Variants in OGG1 observed in about 807,000 individuals in gnomAD.
OGG1 encodes the protein 8-oxoguanine DNA glycosylase.
Under a neutral mutation model 42.3 loss-of-function variants are expected in OGG1, and 35 were observed. That is an observed-to-expected ratio of 0.83 (90% confidence interval 0.63 to 1.10). The LOEUF (loss-of-function observed/expected upper bound fraction) is 1.10, where lower values mean the gene tolerates loss of function less well. Among genes scored for constraint, OGG1 ranks in the 50% least tolerant of loss-of-function variants. The probability of loss-of-function intolerance (pLI) is 0.00; values close to 1 mark genes in which losing one functional copy is unlikely to be tolerated. For missense variants in OGG1, 484 were observed against 446.7 expected (o/e 1.08, Z -0.75); for synonymous variants, 189 against 179.0 (o/e 1.06, Z -0.44).
At chr3:9,766,614 G>A in exon 8 of OGG1, 5 of 1,033,956 alleles carry the variant, frequency 4.8e-6, no homozygotes, top group Non-Finnish European at 5.9e-6. Flanking sequence ...TTTAGAACAG[G>A]TTCTTAAAAA....
At chr3:9,790,022 C>T (rs2078697972), downstream of OGG1, 3 of 1,515,208 alleles carry the variant, frequency 2.0e-6, no homozygotes, top group South Asian at 2.7e-5. Flanking sequence ...ATATCTCTTT[C>T]CTCTAGTGAA....
At chr3:9,751,348 C>T (rs1014911324) in intron 2 of OGG1, among the ~76,000 whole-genome samples, 156 bp downstream of exon 2, 2 of 152,256 alleles carry the variant, frequency 1.3e-5, no homozygotes, top group East Asian at 3.9e-4. Context: ...AGAATAATGC[C>T]AGGCACATAG....
chr3:9,757,716 G>C (rs771826644), downstream of OGG1: 7 of 1,613,952 alleles, frequency 4.3e-6, no homozygotes, highest in African/African-American at 6.7e-5. The surrounding 1 kb of genome is among the most constrained non-coding windows in gnomAD (Gnocchi z 4.5). Context: ...CTTCTGCAGA[G>C]CCCGCTCCTC....
chr3:9,774,508 A>G (rs775984501), intron 2 of OGG1, among the ~76,000 whole-genome samples: 7 of 152,198 alleles, frequency 4.6e-5, no homozygotes, highest in Non-Finnish European at 8.8e-5. Context: ...ATGGTAGCCA[A>G]AAATGAAAGG....
Position 9,757,391 on chromosome 3 carries a change from A to T in OGG1, c.*241A>T. On this transcript the variant is annotated 3_prime_UTR_variant, in exon 7 of 7. Coordinates refer to ENST00000344629, the MANE Select transcript of OGG1 (RefSeq NM_002542.6). The surrounding 1 kb of genome is among the most constrained non-coding windows in gnomAD (Gnocchi z 4.5). Reference sequence around the variant, plus strand: ...TTACAAGAAGGAACAATAAAATAGAAACATTTGTATGGAAAATGCAGTGAG... The same window carrying T: ...TTACAAGAAGGAACAATAAAATAGATACATTTGTATGGAAAATGCAGTGAG... 1 of 1,612,370 alleles carries T rather than the reference A, an allele frequency of 6.2e-7. No homozygotes were observed. The highest frequency in any genetic ancestry group is 8.5e-7 in the Non-Finnish European group (1 of 1,179,086).
chr3:9,750,666 G>A (rs1031235658), intron 1 of OGG1: 35 of 699,940 alleles, frequency 5.0e-5, no homozygotes, highest in Non-Finnish European at 7.9e-5. Flanking sequence ...TTGAGACAGG[G>A]TCTCGCTCTG....
At chr3:9,768,539 G>A (rs2078219389), downstream of OGG1, among the ~76,000 whole-genome samples, 1 of 152,214 alleles carries the variant, frequency 6.6e-6, no homozygotes, top group Non-Finnish European at 1.5e-5. Context: ...ACTGAGGTTG[G>A]AGTTAGGTAG....
At chr3:9,780,055 G>A in intron 2 of OGG1, 1 of 293,294 alleles carries the variant, frequency 3.4e-6, no homozygotes, top group Non-Finnish European at 6.3e-6. Context: ...GGAGACAGGG[G>A]TAGGGGATTA....
chr3:9,750,213 G>C lies in OGG1; in HGVS notation c.-74G>C. On this transcript the variant is annotated 5_prime_UTR_variant, in exon 1 of 7. Coordinates refer to ENST00000344629, the MANE Select transcript of OGG1 (RefSeq NM_002542.6). ...CTTAAGGGTCGTGGTCCTTGTCTGG[G>C]CGGGGTCTTTGGGCGTCGACGAGGC... The C allele has an allele frequency of 6.5e-7, 1 of 1,549,804 alleles. No homozygotes were observed. The highest frequency in any genetic ancestry group is 8.7e-7 in the Non-Finnish European group (1 of 1,149,842).
At chr3:9,758,094 TAA>T, downstream of OGG1, 1 of 473,028 alleles carries the variant, frequency 2.1e-6, no homozygotes, top group Non-Finnish European at 3.6e-6. Context: ...TAATTCATAT[TAA>T]TATGTAATAG....
At chr3:9,766,197 C>T (rs779147992) in exon 8 of OGG1, 2 of 787,058 alleles carry the variant, frequency 2.5e-6, no homozygotes, top group Non-Finnish European at 4.4e-6. Flanking sequence ...TCATCTTTGC[C>T]ACCACCTGGG....
chr3:9,756,519 C>G lies in OGG1; in HGVS notation c.796C>G (p.Pro266Ala). Residue 266 changes from proline to alanine, a missense_variant, in exon 5 of 7, where the codon CCC becomes GCC. Pro to Ala is a conservative substitution (Grantham distance 27). Transcript: ENST00000344629. ...GGCCCTAGACAAGCCCCAGGCTGTG[C>G]CCGTGGATGTCCATATGTGGCACAT... Reference protein sequence around the residue: ...LMALDKPQAVPVDVHMWHIAQ... With the variant: ...LMALDKPQAVAVDVHMWHIAQ... 6.2e-7 allele frequency: 1 copy of G among 1,614,120 alleles called. No individual in the cohort carries two copies. Among genetic ancestry groups the G allele is most frequent in the Non-Finnish European group, 8.5e-7 (1 of 1,180,008 alleles).
downstream of OGG1, chr3:9,757,778 C>T (rs1457785054): frequency 4.3e-6 from 7 of 1,614,018 alleles, no homozygotes; most frequent in Non-Finnish European, 5.9e-6. The surrounding 1 kb of genome is among the most constrained non-coding windows in gnomAD (Gnocchi z 4.5). Context: ...TCTGCCCCTG[C>T]CCCTCCTGGC....
At chr3:9,785,467 C>T (rs1252308786) in intron 3 of OGG1, 1 of 1,376,918 alleles carries the variant, frequency 7.3e-7, no homozygotes. Context: ...AATAGCTGTT[C>T]CACTTTCCTG....
At position 9,751,812 on chromosome 3, in the gene OGG1, C is replaced by T. The variant is rs949252831; in HGVS notation, c.428C>T (p.Ser143Phe). 7 of 1,614,162 alleles carry T rather than the reference C, an allele frequency of 4.3e-6. No homozygotes were observed. The highest frequency in any genetic ancestry group is 5.9e-6 in the Non-Finnish European group (7 of 1,180,022). Residue 143 changes from serine (S) to phenylalanine (F), a missense_variant, in exon 3 of 7, where the codon TCT becomes TTT. By Grantham distance (155) the Ser-to-Phe change is radical (BLOSUM62 -2). Coordinates refer to ENST00000344629, the MANE Select transcript of OGG1 (RefSeq NM_002542.6). ...LRQDPIECLF[S>F]FICSSNNNIA... ...CAAGACCCCATCGAATGCCTTTTCT[C>T]TTTTATCTGTTCCTCCAACAACAAC...
At chr3:9,761,608 C>T (rs775695293), downstream of OGG1, 10 of 1,613,916 alleles carry the variant, frequency 6.2e-6, no homozygotes, top group South Asian at 7.7e-5. Context: ...ACCATCACAG[C>T]CCCAGCCCAG....
chr3:9,765,043 A>G (rs933513923), intron 7 of OGG1, among the ~76,000 whole-genome samples: 3 of 151,750 alleles, frequency 2.0e-5, no homozygotes, highest in Non-Finnish European at 4.4e-5. Flanking sequence ...CCTGGCCAAC[A>G]TGGCGAAACC....
chr3:9,752,221 C>T lies in OGG1; in HGVS notation c.565+272C>T, dbSNP rs545420750. 28 of 512,420 alleles carry T rather than the reference C, an allele frequency of 5.5e-5. No individual in the cohort carries two copies. In the East Asian group the frequency reaches 9.8e-4, roughly 18 times the overall value. The allele number at this position is 512,420 out of a possible 1,614,324, so 31.7% of individuals were successfully genotyped here. ...ATGTACAGTAGTTTGGGGTTAAGAG[C>T]ATGCATTCTGGGGACAGACCCATGC... is the stretch of plus-strand genomic sequence containing the variant. On this transcript the variant is annotated intron_variant, in intron 3 of 6. Transcript: ENST00000344629.
At chr3:9,789,884 G>T (rs201090588), downstream of OGG1, 1 of 1,614,218 alleles carries the variant, frequency 6.2e-7, no homozygotes, top group African/African-American at 1.3e-5. Flanking sequence ...CCCATGTTTG[G>T]GGGGAGCTCC....
Sources: allele counts gnomAD v4.1 joint callset (sites outside exome capture counted in the v4.1 genomes callset), GRCh38; gene constraint gnomAD v4.1.1; non-coding constraint Gnocchi (gnomAD v3.1); transcripts MANE v1.5; gene names NCBI Gene and HGNC (gene_info 2026-07-23, HGNC 2026-07-21).